The following EDA variants were observed in gnomAD, a reference collection of about 807,000 sequenced individuals.
EDA encodes the protein ectodysplasin-A.
Under a neutral mutation model 23.6 loss-of-function variants are expected in EDA, and 2 were observed. That is an observed-to-expected ratio of 0.08 (90% CI 0.03 to 0.27). The LOEUF (loss-of-function observed/expected upper bound fraction) is 0.27, where lower values mean the gene tolerates loss of function less well. Ranked by LOEUF, EDA falls within the 10% of genes least tolerant of loss-of-function variation. EDA has a pLI of 1.00. For missense variants in EDA, 229 were observed against 324.2 expected (o/e 0.71, Z 2.26); for synonymous variants, 131 against 132.0 (o/e 0.99, Z 0.05).
chrX:69,750,084 T>G (rs2013777153), intron 1 of EDA, among the ~76,000 whole-genome samples: 1 of 107,052 alleles, frequency 9.3e-6, no homozygotes, highest in Non-Finnish European at 1.9e-5. Context: ...TTGTTACATA[T>G]GTATACATGT....
rs56196321 is a variant in EDA at position 69,850,234 on chromosome X, G to T, written c.397-106793G>T. Among the ~76,000 whole-genome samples, 1,001 of 112,169 alleles carry T rather than the reference G, an allele frequency of 8.9e-3. 8 individuals carry two copies. The highest frequency in any genetic ancestry group is 0.03 in the African/African-American group (940 of 30,951). On this transcript the variant is annotated intron_variant, in intron 1 of 7. Transcript: ENST00000374552. ...GTCTGTTGATTCCACGCATGTAGTT[G>T]TGGTTTTATATACTGAAGGACAGAT... is the stretch of plus-strand genomic sequence containing the variant.
At chrX:69,888,979 T>TAGATAG (rs1491437545) in intron 1 of EDA, among the ~76,000 whole-genome samples, 4 of 11,272 alleles carry the variant, frequency 3.5e-4, no homozygotes, top group Non-Finnish European at 4.3e-4. Context: ...GTGGGGTAGT[T>TAGATAG]ATATATATAT....
At chrX:69,785,197 G>A (rs1427233518) in intron 1 of EDA, among the ~76,000 whole-genome samples, 3 of 97,506 alleles carry the variant, frequency 3.1e-5, no homozygotes, top group Non-Finnish European at 6.3e-5. Flanking sequence ...TTTGGGCTGA[G>A]ACAATGGGGT....
At chrX:69,861,000 T>C in intron 1 of EDA, 2 of 504,942 alleles carry the variant, frequency 4.0e-6, no homozygotes, top group Non-Finnish European at 3.6e-6. Flanking sequence ...CAATAATAAC[T>C]GTTAAATGAA....
At chrX:69,959,315 C>T (rs929238327) in intron 2 of EDA, among the ~76,000 whole-genome samples, 2 of 111,291 alleles carry the variant, frequency 1.8e-5, no homozygotes, top group African/African-American at 6.5e-5. Context: ...TCCAAGAGTC[C>T]CTTAGAGTTA....
At position 70,037,314 on chromosome X, in the gene EDA, T is replaced by C. The variant is rs1213851655; in HGVS notation, c.*1705T>C. 8.9e-6 allele frequency: 1 copy of C among 111,828 alleles called. No individual in the cohort carries two copies. The highest frequency in any genetic ancestry group is 1.9e-5 in the Non-Finnish European group (1 of 53,178). 9.2% of individuals were successfully genotyped at this position (111,828 alleles called of 1,213,427 possible). A position where few individuals can be genotyped will look rare whatever the true frequency, so the allele number is the denominator to read the frequency against. On this transcript the variant is annotated 3_prime_UTR_variant, in exon 8 of 8. Transcript: ENST00000374552. ...AGGGTCAGGGTGAGACGTGATGGGC[T>C]AGGCCTCCGTTGTCTGGTTGCTAAT...
At chrX:69,878,130 A>G (rs2017676855) in intron 1 of EDA, among the ~76,000 whole-genome samples, 1 of 112,241 alleles carries the variant, frequency 8.9e-6, no homozygotes, top group Non-Finnish European at 1.9e-5. Flanking sequence ...CCTGGAATCA[A>G]CAGTATATTA....
At chrX:69,889,993 T>G (rs2017898277) in intron 1 of EDA, among the ~76,000 whole-genome samples, 1 of 112,000 alleles carries the variant, frequency 8.9e-6, no homozygotes, top group Non-Finnish European at 1.9e-5. Flanking sequence ...CTTCTTTCTT[T>G]TCCACGTGGA....
intron 1 of EDA, among the ~76,000 whole-genome samples, chrX:69,838,157 C>CT (rs1364861522): frequency 2.7e-5 from 3 of 112,525 alleles, no homozygotes; most frequent in African/African-American, 9.7e-5. Flanking sequence ...GAGTGGAACT[C>CT]TGTTTCATCT....
intron 2 of EDA, 87 bp from the exon 3 acceptor site, chrX:70,023,131 G>A (rs1014974757): frequency 1.0e-4 from 61 of 612,825 alleles, no homozygotes; most frequent in Non-Finnish European, 1.5e-4. Flanking sequence ...GCAGTGTCTT[G>A]GGGATCCCTC....
chrX:69,768,372 A>G (rs1053484895), intron 1 of EDA, among the ~76,000 whole-genome samples: 3 of 111,871 alleles, frequency 2.7e-5, no homozygotes, highest in African/African-American at 9.7e-5. Context: ...GTTTTATACA[A>G]TGTGTAGTAA....
intron 2 of EDA, among the ~76,000 whole-genome samples, chrX:69,996,488 G>A (rs189568110): frequency 2.3e-3 from 254 of 112,306 alleles, no homozygotes; most frequent in African/African-American, 7.5e-3. Flanking sequence ...CCTTCAATTT[G>A]TAAATTTAAT....
intron 1 of EDA, among the ~76,000 whole-genome samples, chrX:69,909,272 G>T (rs2018223037): frequency 9.0e-6 from 1 of 111,263 alleles, no homozygotes; most frequent in Admixed American, 9.6e-5. Context: ...AATTATTTGG[G>T]TTTTTTTGTT....
intron 1 of EDA, among the ~76,000 whole-genome samples, chrX:69,776,075 A>G (rs974685060): frequency 1.4e-4 from 16 of 111,929 alleles, no homozygotes; most frequent in African/African-American, 5.2e-4. Flanking sequence ...TTAATTTCTT[A>G]TAATGTATTA....
intron 1 of EDA, among the ~76,000 whole-genome samples, chrX:69,885,783 A>C (rs920446119): frequency 9.0e-6 from 1 of 111,663 alleles, no homozygotes; most frequent in Non-Finnish European, 1.9e-5. Flanking sequence ...AAACAGCCCC[A>C]TCTACCTGTG....
intron 1 of EDA, among the ~76,000 whole-genome samples, chrX:69,688,804 T>C (rs751169059): frequency 7.1e-5 from 8 of 111,933 alleles, no homozygotes; most frequent in Non-Finnish European, 1.3e-4. Flanking sequence ...ACTGCAGAAG[T>C]AGCAAGGTCT....
At chrX:69,845,645 C>G (rs2016991971) in intron 1 of EDA, among the ~76,000 whole-genome samples, 3 of 111,869 alleles carry the variant, frequency 2.7e-5, no homozygotes, top group African/African-American at 6.5e-5. Context: ...TATTAACACC[C>G]TTGTCGTTTT....
At chrX:69,783,613 G>T (rs983164175) in intron 1 of EDA, among the ~76,000 whole-genome samples, 3 of 111,190 alleles carry the variant, frequency 2.7e-5, no homozygotes, top group African/African-American at 9.8e-5. Flanking sequence ...CAAAGGACAT[G>T]AACTCATCAT....
At chrX:69,921,036 C>T (rs377563233) in intron 1 of EDA, among the ~76,000 whole-genome samples, 12 of 110,696 alleles carry the variant, frequency 1.1e-4, no homozygotes, top group South Asian at 3.8e-4. Flanking sequence ...TAATCCAATA[C>T]GCTTTATTCT....
Sources: gnomAD v4.1 joint callset for allele counts (sites outside exome capture counted in the v4.1 genomes callset) on GRCh38, gnomAD v4.1.1 for gene constraint, MANE v1.5 for transcripts, NCBI Gene and HGNC (gene_info 2026-07-23, HGNC 2026-07-21) for gene names.